TFEC: variants seen among roughly 807,000 people sequenced by gnomAD.
TFEC encodes class E basic helix-loop-helix protein 34.
A neutral mutation model predicts 41.6 loss-of-function variants in TFEC; 31 were observed. The ratio of observed to expected loss-of-function variants is 0.74; its 90% CI spans 0.56 to 1.01. TFEC has a LOEUF of 1.01. Among genes scored for constraint, TFEC ranks in the 50% least tolerant of loss-of-function variants. The pLI is 0.00. For missense variants in TFEC, 402 were observed against 404.1 expected (o/e 0.99, Z 0.04); for synonymous variants, 143 against 140.6 (o/e 1.02, Z -0.12).
intron 3 of TFEC, among the ~76,000 whole-genome samples, chr7:116,083,226 C>A (rs1797129969): frequency 6.6e-6 from 1 of 151,656 alleles, no homozygotes. Flanking sequence ...TTAATAATTA[C>A]AAGGCTAACT....
intron 3 of TFEC, among the ~76,000 whole-genome samples, chr7:116,072,046 T>G (rs912740669): frequency 1.3e-5 from 2 of 151,600 alleles, no homozygotes; most frequent in African/African-American, 4.8e-5. Context: ...TGAAAACACA[T>G]AAAATTACAG....
intron 1 of TFEC, among the ~76,000 whole-genome samples, chr7:116,009,607 T>C (rs1409206843): frequency 5.3e-5 from 8 of 152,168 alleles, no homozygotes; most frequent in Middle Eastern, 3.4e-3. Context: ...CATATAACTA[T>C]AACACAATGT....
intron 3 of TFEC, among the ~76,000 whole-genome samples, chr7:115,970,101 T>A (rs941247446): frequency 6.6e-6 from 1 of 151,938 alleles, no homozygotes; most frequent in Non-Finnish European, 1.5e-5. Context: ...ATAGGACATG[T>A]ATTGATATAT....
chr7:116,030,579 T>A, intron 1 of TFEC, 54 bp downstream of exon 1: 1 of 957,844 alleles, frequency 1.0e-6, no homozygotes, highest in Non-Finnish European at 1.2e-6. Context: ...GATTAGTTTG[T>A]CTTCCTAGTT....
intron 3 of TFEC, among the ~76,000 whole-genome samples, chr7:115,970,451 G>A (rs1234153891): frequency 1.3e-5 from 2 of 151,948 alleles, no homozygotes; most frequent in Non-Finnish European, 2.9e-5. Flanking sequence ...AATGGGGGCA[G>A]TGAGTTTTTT....
rs146440320 is a variant in TFEC at position 116,009,667 on chromosome 7, T to C, written c.-73+20966A>G. On this transcript the variant is annotated intron_variant, in intron 1 of 7. Coordinates refer to ENST00000265440, the MANE Select transcript of TFEC (RefSeq NM_012252.4). Reference sequence around the variant, plus strand: ...GTCATAAAACCAAGCAGAAACTAGATAAAATAGGAACAAGTCATTCAAGTG... The same window carrying C: ...GTCATAAAACCAAGCAGAAACTAGACAAAATAGGAACAAGTCATTCAAGTG... 2.6e-4 allele frequency among the ~76,000 whole-genome samples: 40 copies of C among 152,028 alleles called. 1 individual carries two copies. The East Asian group carries it at 7.8e-3, about 29-fold the overall frequency.
Position 115,984,949 on chromosome 7 carries a change from A to G in TFEC, c.-72-436T>C, listed in dbSNP as rs367601374. Among the ~76,000 whole-genome samples, 6 of 152,256 alleles carry G rather than the reference A, an allele frequency of 3.9e-5. 1 individual carries two copies. The highest frequency in any genetic ancestry group is 1.3e-4 in the Admixed American group (2 of 15,288). On this transcript the variant is annotated intron_variant, in intron 1 of 7. Coordinates refer to ENST00000265440, the MANE Select transcript of TFEC (RefSeq NM_012252.4). ...TGATCAAAACTTTGTTCTTAAGAAA[A>G]CTAAAAATTATAAGAGAGCAGGAAC...
intron 1 of TFEC, among the ~76,000 whole-genome samples, chr7:116,012,214 A>T (rs1795027470): frequency 1.3e-5 from 2 of 152,216 alleles, no homozygotes; most frequent in African/African-American, 4.8e-5. Flanking sequence ...TTTCTATTCA[A>T]AAAAGTTCAT....
At chr7:116,060,179 T>C (rs1796519524) in intron 3 of TFEC, among the ~76,000 whole-genome samples, 1 of 132,698 alleles carries the variant, frequency 7.5e-6, no homozygotes, top group Non-Finnish European at 1.6e-5. Flanking sequence ...CAATGAGCAA[T>C]TGTAATTTTA....
At chr7:116,153,671 A>T (rs1271255787) in intron 1 of TFEC, among the ~76,000 whole-genome samples, 4 of 152,224 alleles carry the variant, frequency 2.6e-5, no homozygotes, top group Non-Finnish European at 5.9e-5. Flanking sequence ...AGGAAAAAAA[A>T]AAGCTCTTCC....
intron 1 of TFEC, among the ~76,000 whole-genome samples, chr7:115,996,500 T>A (rs914933750): frequency 3.3e-5 from 5 of 151,874 alleles, no homozygotes; most frequent in African/African-American, 1.2e-4. Flanking sequence ...TCCAACGTAT[T>A]CCCAGCTATG....
At chr7:116,048,095 A>G (rs1002624875) in intron 3 of TFEC, among the ~76,000 whole-genome samples, 7 of 152,242 alleles carry the variant, frequency 4.6e-5, no homozygotes. Flanking sequence ...CCAAAGGAAC[A>G]CAGCTCCTTG....
intron 3 of TFEC, among the ~76,000 whole-genome samples, chr7:116,094,069 A>G (rs1797392210): frequency 6.6e-6 from 1 of 152,228 alleles, no homozygotes; most frequent in Non-Finnish European, 1.5e-5. Context: ...ACAAGTATAG[A>G]AACCACTGAA....
chr7:115,973,305 T>G (rs1433449669), intron 3 of TFEC, among the ~76,000 whole-genome samples: 1 of 151,902 alleles, frequency 6.6e-6, no homozygotes, highest in Non-Finnish European at 1.5e-5. Flanking sequence ...GGCCCTAAAT[T>G]GAAAACATCC....
chr7:116,002,014 G>T (rs1794617953), intron 1 of TFEC, among the ~76,000 whole-genome samples: 1 of 152,114 alleles, frequency 6.6e-6, no homozygotes, highest in African/African-American at 2.4e-5. Flanking sequence ...TAATCCAAAA[G>T]ACAGGTAATA....
At chr7:115,972,034 T>C (rs1178286134) in intron 3 of TFEC, among the ~76,000 whole-genome samples, 5 of 152,102 alleles carry the variant, frequency 3.3e-5, no homozygotes, top group Admixed American at 2.0e-4. Flanking sequence ...TTTATCTACA[T>C]AAACTATAAA....
At position 115,968,460 on chromosome 7, in the gene TFEC, T is replaced by G. The variant is rs574897392; in HGVS notation, c.267+5710A>C. 15 of 557,660 alleles carry G rather than the reference T, an allele frequency of 2.7e-5. No homozygotes were observed. In the South Asian group the frequency reaches 6.3e-4, roughly 24 times the overall value. The allele number at this position is 557,660 out of a possible 1,614,324, so 34.5% of individuals were successfully genotyped here. A position where few individuals can be genotyped will look rare whatever the true frequency, so the allele number is the denominator to read the frequency against. ...ATTTACTCATTCCTCGTCTCTGGAA[T>G]GATCTTGAACTATAACAGTTTACTT... On this transcript the variant is annotated intron_variant, in intron 3 of 7. Transcript: ENST00000265440.
chr7:116,013,838 A>T (rs1194842487), intron 1 of TFEC, among the ~76,000 whole-genome samples: 1 of 152,126 alleles, frequency 6.6e-6, no homozygotes, highest in Non-Finnish European at 1.5e-5. Context: ...GTGGAACTTG[A>T]CATAGTCACT....
intron 1 of TFEC, among the ~76,000 whole-genome samples, chr7:115,992,931 T>C (rs973778059): frequency 6.6e-6 from 1 of 152,204 alleles, no homozygotes; most frequent in African/African-American, 2.4e-5. Flanking sequence ...ATATCCCTGA[T>C]TAACATTGAT....
Sources: allele counts gnomAD v4.1 joint callset (sites outside exome capture counted in the v4.1 genomes callset), GRCh38; gene constraint gnomAD v4.1.1; transcripts MANE v1.5; gene names NCBI Gene and HGNC (gene_info 2026-07-23, HGNC 2026-07-21).